Variants in KCNAB1 observed in about 807,000 individuals in gnomAD.
KCNAB1 encodes the protein potassium voltage-gated channel subfamily A regulatory beta subunit 1.
A neutral mutation model predicts 64.6 loss-of-function variants in KCNAB1; 35 were observed. That is an observed-to-expected ratio of 0.54 (90% confidence interval 0.41 to 0.72). KCNAB1 has a LOEUF of 0.72. Ranked by LOEUF, KCNAB1 falls within the 30% of genes least tolerant of loss-of-function variation. KCNAB1 has a pLI of 0.00. For missense variants in KCNAB1, 401 were observed against 512.9 expected (o/e 0.78, Z 2.11); for synonymous variants, 177 against 183.8 (o/e 0.96, Z 0.30).
At chr3:156,277,715 G>C (rs1183494476) in intron 1 of KCNAB1, among the ~76,000 whole-genome samples, 1 of 152,152 alleles carries the variant, frequency 6.6e-6, no homozygotes, top group Non-Finnish European at 1.5e-5. Context: ...CAGGACTGCA[G>C]ATATCTCTTC....
intron 8 of KCNAB1, among the ~76,000 whole-genome samples, chr3:156,499,951 T>A (rs1417222429): frequency 6.6e-6 from 1 of 152,190 alleles, no homozygotes; most frequent in Non-Finnish European, 1.5e-5. Context: ...GCCACCCTGC[T>A]TTCTCAGGTG....
At chr3:156,296,243 T>C (rs150696752) in intron 1 of KCNAB1, among the ~76,000 whole-genome samples, 2 of 152,310 alleles carry the variant, frequency 1.3e-5, no homozygotes, top group Admixed American at 6.5e-5. Flanking sequence ...TTTTGTTTGG[T>C]TGGTTTGGGT....
intron 1 of KCNAB1, among the ~76,000 whole-genome samples, chr3:156,124,215 CTT>C (rs545733860): frequency 4.2e-5 from 6 of 142,976 alleles, no homozygotes; most frequent in East Asian, 2.0e-4. Context: ...TATTTCTTTT[CTT>C]TTTTTTTTTT....
At chr3:156,229,028 T>A (rs989762380) in intron 1 of KCNAB1, among the ~76,000 whole-genome samples, 50 of 152,174 alleles carry the variant, frequency 3.3e-4, no homozygotes, top group African/African-American at 1.2e-3. Flanking sequence ...CCCTCTTCCT[T>A]GTGTGTAAAG....
intron 10 of KCNAB1, 68 bp from the exon 11 acceptor site, chr3:156,516,202 G>A (rs1352466233): frequency 1.9e-6 from 2 of 1,055,264 alleles, no homozygotes; most frequent in Non-Finnish European, 3.0e-6. Flanking sequence ...AAACACTACT[G>A]CCCCCACCGC....
At chr3:156,245,973 GT>G (rs1459907024) in intron 1 of KCNAB1, among the ~76,000 whole-genome samples, 1 of 50,508 alleles carries the variant, frequency 2.0e-5, no homozygotes, top group Non-Finnish European at 3.8e-5. Context: ...ATCAATATTG[GT>G]AAAAAAAAAA....
chr3:156,472,105 C>T (rs1385789277), intron 7 of KCNAB1, among the ~76,000 whole-genome samples: 1 of 152,134 alleles, frequency 6.6e-6, no homozygotes, highest in Non-Finnish European at 1.5e-5. Flanking sequence ...GGCTCCCCGA[C>T]CACCTCCGGT....
chr3:156,414,958 A>G (rs1321799059), intron 1 of KCNAB1, among the ~76,000 whole-genome samples: 3 of 152,192 alleles, frequency 2.0e-5, no homozygotes, highest in Admixed American at 6.5e-5. Flanking sequence ...GATTTCTATC[A>G]TTTCTCCAAA....
intron 1 of KCNAB1, among the ~76,000 whole-genome samples, chr3:156,206,123 G>A (rs115426814): frequency 3.3e-4 from 50 of 152,234 alleles, no homozygotes; most frequent in Middle Eastern, 3.4e-3. Flanking sequence ...GCATTTGCAC[G>A]TATCTTTATT....
upstream of KCNAB1, chr3:156,120,457 C>T (rs1713268399): frequency 1.2e-6 from 1 of 851,678 alleles, no homozygotes; most frequent in African/African-American, 1.7e-5. Flanking sequence ...CATTTTCATC[C>T]CAAGCCACAG....
intron 1 of KCNAB1, among the ~76,000 whole-genome samples, chr3:156,196,462 G>A (rs1178207130): frequency 1.3e-5 from 2 of 152,204 alleles, no homozygotes; most frequent in Non-Finnish European, 2.9e-5. Context: ...TTTTCCATTT[G>A]TTTGTGTCCT....
chr3:156,456,541 C>T (rs1410443264), intron 3 of KCNAB1, among the ~76,000 whole-genome samples: 1 of 152,150 alleles, frequency 6.6e-6, no homozygotes, highest in African/African-American at 2.4e-5. Context: ...CTCCATTTTG[C>T]TAGCTTAACA....
chr3:156,309,039 TA>T (rs1447800386), intron 1 of KCNAB1, among the ~76,000 whole-genome samples: 3 of 152,040 alleles, frequency 2.0e-5, no homozygotes, highest in African/African-American at 7.2e-5. Context: ...TTTCTTCTTC[TA>T]AAAAGAAAAA....
intron 1 of KCNAB1, among the ~76,000 whole-genome samples, chr3:156,376,371 A>C (rs1711662292): frequency 6.6e-6 from 1 of 152,210 alleles, no homozygotes; most frequent in Admixed American, 6.5e-5. Flanking sequence ...CATGGAGTCC[A>C]GCATTTAAGA....
chr3:156,235,079 A>C (rs1399331837), intron 1 of KCNAB1, among the ~76,000 whole-genome samples: 1 of 152,162 alleles, frequency 6.6e-6, no homozygotes, highest in Non-Finnish European at 1.5e-5. Context: ...TTTCACTCTG[A>C]CCCACCAGCC....
At position 156,514,348 on chromosome 3, in the gene KCNAB1, G is replaced by A; in HGVS notation, c.659-16G>A. The A allele has an allele frequency of 6.2e-7, 1 of 1,608,084 alleles. No homozygotes were observed. The highest frequency in any genetic ancestry group is 1.1e-5 in the South Asian group (1 of 90,954). On this transcript the variant is annotated splice_polypyrimidine_tract_variant and intron_variant, in intron 8 of 13. Coordinates refer to ENST00000490337, the MANE Select transcript of KCNAB1 (RefSeq NM_172160.3). ...TAGACAAATTCATGAAATGCTGTCT[G>A]TTTGACCTTCCACAGAAATTGTCCG...
At chr3:156,291,734 C>T (rs1720440154) in intron 1 of KCNAB1, 1 of 1,448,854 alleles carries the variant, frequency 6.9e-7, no homozygotes, top group Non-Finnish European at 9.1e-7. Flanking sequence ...CCCCTTGTGC[C>T]ACTTTGTGGG....
intron 1 of KCNAB1, among the ~76,000 whole-genome samples, chr3:156,308,384 G>A (rs991350535): frequency 2.0e-5 from 3 of 152,154 alleles, no homozygotes; most frequent in African/African-American, 7.2e-5. Context: ...TATCCGACTT[G>A]GGCTTCCTAA....
intron 1 of KCNAB1, among the ~76,000 whole-genome samples, chr3:156,384,543 C>T (rs1400618125): frequency 6.6e-6 from 1 of 152,032 alleles, no homozygotes; most frequent in East Asian, 1.9e-4. Flanking sequence ...AAGTCTATTT[C>T]TAGGGAGACC....
Sources: allele counts gnomAD v4.1 joint callset (sites outside exome capture counted in the v4.1 genomes callset), GRCh38; gene constraint gnomAD v4.1.1; transcripts MANE v1.5; gene names NCBI Gene and HGNC (gene_info 2026-07-23, HGNC 2026-07-21).